Variants in GRID2 observed in about 807,000 individuals in gnomAD.
GRID2 encodes the protein glutamate receptor ionotropic, delta-2.
GRID2 carries 33 observed loss-of-function variants against 114.8 expected under a neutral mutation model. The observed-to-expected ratio is 0.29, with a 90% CI of 0.22 to 0.38. GRID2 has a LOEUF of 0.38. Among genes scored for constraint, GRID2 ranks in the 10% least tolerant of loss-of-function variants. The pLI, the probability that GRID2 is intolerant of heterozygous loss-of-function variation, is 1.00. For missense variants in GRID2, 1,184 were observed against 1,257.7 expected (o/e 0.94, Z 0.89); for synonymous variants, 505 against 449.9 (o/e 1.12, Z -1.55).
chr4:93,508,200 A>ATT lies in GRID2; in HGVS notation c.1998-7000_1998-6999dup, dbSNP rs147557747. Among the ~76,000 whole-genome samples the ATT allele has an allele frequency of 4.3e-3, 598 of 140,406 alleles. 1 individual carries two copies. Among genetic ancestry groups the ATT allele is most frequent in the African/African-American group, 5.4e-3 (204 of 37,744 alleles). The allele number at this position is 140,406 out of a possible 152,430, so 92.1% of individuals were successfully genotyped here. A position where few individuals can be genotyped will look rare whatever the true frequency, so the allele number is the denominator to read the frequency against. On this transcript the variant is annotated intron_variant, in intron 12 of 15. Coordinates refer to ENST00000282020, the MANE Select transcript of GRID2 (RefSeq NM_001510.4). ...TTTTAGATTTTTTATTTTGTTTTTGATTTTTTTTTTTTTTTTTGACGGAGT... is the reference window on the plus strand; with the variant it reads ...TTTTAGATTTTTTATTTTGTTTTTGATTTTTTTTTTTTTTTTTTTGACGGAGT...
At chr4:93,808,477 T>G (rs988341736) in exon 2 of GRID2, 2 of 152,208 alleles carry the variant, frequency 1.3e-5, no homozygotes, top group African/African-American at 4.8e-5. Flanking sequence ...CGTAATACAA[T>G]ACTATAATTC....
chr4:92,556,870 G>A (rs1204830137), intron 1 of GRID2, among the ~76,000 whole-genome samples: 3 of 152,064 alleles, frequency 2.0e-5, no homozygotes, highest in Admixed American at 6.6e-5. Context: ...TCGAGGTGAG[G>A]GGATTACACA....
intron 11 of GRID2, among the ~76,000 whole-genome samples, chr4:93,470,520 A>T (rs72668750): frequency 0.014 from 2,107 of 152,272 alleles, 18 homozygotes; most frequent in South Asian, 0.056. Flanking sequence ...AAGAAAATTA[A>T]AAATAATTGT....
intron 13 of GRID2, among the ~76,000 whole-genome samples, chr4:93,601,738 T>A (rs182053536): frequency 1.2e-3 from 177 of 152,342 alleles, no homozygotes; most frequent in Non-Finnish European, 6.8e-4. Context: ...AATGATAATT[T>A]TTTTCATCAA....
intron 14 of GRID2, among the ~76,000 whole-genome samples, chr4:93,720,789 A>C (rs1237044710): frequency 1.3e-5 from 2 of 152,202 alleles, no homozygotes; most frequent in East Asian, 3.8e-4. Context: ...CTGCGTAAAC[A>C]TAAGTCACCT....
At chr4:92,562,021 A>G (rs544551649) in intron 1 of GRID2, among the ~76,000 whole-genome samples, 95 of 152,320 alleles carry the variant, frequency 6.2e-4, no homozygotes, top group African/African-American at 2.2e-3. Flanking sequence ...ACCTACAAAT[A>G]AATAACTTTG....
intron 13 of GRID2, among the ~76,000 whole-genome samples, chr4:93,592,654 G>A (rs982275084): frequency 3.9e-5 from 6 of 152,014 alleles, no homozygotes; most frequent in African/African-American, 1.5e-4. Flanking sequence ...GTTGACAGTG[G>A]GGTGTTAAAG....
At chr4:92,568,718 T>C (rs1453316108) in intron 1 of GRID2, among the ~76,000 whole-genome samples, 1 of 152,022 alleles carries the variant, frequency 6.6e-6, no homozygotes, top group Non-Finnish European at 1.5e-5. Context: ...ATCCTCTCCC[T>C]CTTCCCACCT....
At chr4:92,451,216 G>T (rs1720906147) in intron 1 of GRID2, among the ~76,000 whole-genome samples, 1 of 152,056 alleles carries the variant, frequency 6.6e-6, no homozygotes, top group East Asian at 1.9e-4. Context: ...TGAGTACAGT[G>T]CCCACAGATA....
At chr4:93,304,257 A>AATATAT (rs10557964) in intron 8 of GRID2, among the ~76,000 whole-genome samples, 13 of 142,974 alleles carry the variant, frequency 9.1e-5, no homozygotes, top group South Asian at 6.6e-4. Flanking sequence ...TAATATTTTA[A>AATATAT]ATATATATAT....
intron 1 of GRID2, among the ~76,000 whole-genome samples, chr4:92,332,712 G>T (rs1726958476): frequency 6.6e-6 from 1 of 152,120 alleles, no homozygotes; most frequent in African/African-American, 2.4e-5. Context: ...GGTGGGATAG[G>T]CATAGGGTAG....
chr4:92,469,710 CA>C (rs1721933514), intron 1 of GRID2, among the ~76,000 whole-genome samples: 1 of 149,872 alleles, frequency 6.7e-6, no homozygotes, highest in African/African-American at 2.4e-5. Flanking sequence ...ATGAAACAAA[CA>C]AAAAAGCCAC....
chr4:93,590,663 G>C (rs62320413), intron 13 of GRID2, among the ~76,000 whole-genome samples: 28,865 of 152,014 alleles, frequency 0.19, 3,202 homozygotes, highest in Middle Eastern at 0.33. Context: ...CCATTTTCAC[G>C]ATATTGATTC....
At chr4:93,454,996 T>C (rs934630932) in intron 10 of GRID2, among the ~76,000 whole-genome samples, 5 of 152,144 alleles carry the variant, frequency 3.3e-5, no homozygotes, top group African/African-American at 1.2e-4. Context: ...GTGCTATCAC[T>C]GAGAATCTAA....
chr4:92,524,857 G>C (rs1391649854), intron 1 of GRID2, among the ~76,000 whole-genome samples: 1 of 151,884 alleles, frequency 6.6e-6, no homozygotes, highest in African/African-American at 2.4e-5. Flanking sequence ...TGATGTTGAG[G>C]GTCAAGCTGA....
intron 1 of GRID2, among the ~76,000 whole-genome samples, chr4:92,455,799 T>TA (rs1169080645): frequency 6.6e-6 from 1 of 152,158 alleles, no homozygotes; most frequent in Non-Finnish European, 1.5e-5. Flanking sequence ...GGGCAGTGCC[T>TA]AATAAAGTTT....
intron 1 of GRID2, among the ~76,000 whole-genome samples, chr4:92,578,718 A>T (rs576737102): frequency 1.5e-5 from 2 of 132,508 alleles, no homozygotes; most frequent in South Asian, 5.1e-4. Context: ...AAATATCATT[A>T]TCTATCTATC....
intron 8 of GRID2, among the ~76,000 whole-genome samples, chr4:93,312,590 C>T (rs1756136023): frequency 6.6e-6 from 1 of 152,154 alleles, no homozygotes; most frequent in Non-Finnish European, 1.5e-5. Flanking sequence ...GAAGTAGTCA[C>T]TTTAAAATTC....
At chr4:92,965,863 A>ATATT (rs1002585475) in intron 2 of GRID2, among the ~76,000 whole-genome samples, 9 of 151,926 alleles carry the variant, frequency 5.9e-5, no homozygotes, top group Non-Finnish European at 1.3e-4. Context: ...TTCTTTTACA[A>ATATT]TATTTATACT....
Sources: gnomAD v4.1 joint callset for allele counts (sites outside exome capture counted in the v4.1 genomes callset) on GRCh38, gnomAD v4.1.1 for gene constraint, MANE v1.5 for transcripts, NCBI Gene and HGNC (gene_info 2026-07-23, HGNC 2026-07-21) for gene names.